The following RAB7A variants were observed in gnomAD, a reference collection of about 807,000 sequenced individuals.
RAB7A encodes RAB7A, member RAS oncogene family, also known as ras-related protein Rab-7a.
Under a neutral mutation model 24.5 loss-of-function variants are expected in RAB7A, and 2 were observed. That is an observed-to-expected ratio of 0.08 (90% CI 0.03 to 0.26). RAB7A has a LOEUF of 0.26. RAB7A is among the 10% of genes least tolerant of loss of function. The pLI, the probability that RAB7A is intolerant of heterozygous loss-of-function variation, is 1.00. For synonymous variants in RAB7A, 100 were observed against 95.9 expected, an observed-to-expected ratio of 1.04 and a Z score of -0.25; for missense variants, 118 against 255.7, an observed-to-expected ratio of 0.46 and a Z score of 3.67.
At chr3:128,754,418 A>G (rs2070712600) in intron 1 of RAB7A, among the ~76,000 whole-genome samples, 1 of 152,220 alleles carries the variant, frequency 6.6e-6, no homozygotes, top group Non-Finnish European at 1.5e-5. Context: ...ACTGTAGGAT[A>G]TACACAAAAG....
intron 1 of RAB7A, among the ~76,000 whole-genome samples, chr3:128,789,495 G>A (rs1038540261): frequency 6.6e-6 from 1 of 151,866 alleles, no homozygotes. Flanking sequence ...ACCACACCCA[G>A]CTAATTTTTG....
chr3:128,785,928 G>A (rs1258741100), intron 1 of RAB7A, among the ~76,000 whole-genome samples: 1 of 151,984 alleles, frequency 6.6e-6, no homozygotes, highest in African/African-American at 2.4e-5. Flanking sequence ...ATTCTAAATG[G>A]AACAACAGAC....
rs1028798951 is a variant in RAB7A at position 128,807,422 on chromosome 3, C to T, written c.400-121C>T. 6 of 1,449,146 alleles carry T rather than the reference C, an allele frequency of 4.1e-6. No homozygotes were observed. In the African/African-American group the frequency reaches 7.0e-5, roughly 17 times the overall value. 89.8% of individuals were successfully genotyped at this position (1,449,146 alleles called of 1,614,324 possible). On this transcript the variant is annotated intron_variant, in intron 4 of 5. Coordinates refer to ENST00000265062, the MANE Select transcript of RAB7A (RefSeq NM_004637.6). ...GGTCTCCTCCAACACCCTCTTTCCC[C>T]ATGTCTGTGTCCTCACCTGTACTAC...
At chr3:128,773,329 C>T (rs1257285856) in intron 1 of RAB7A, among the ~76,000 whole-genome samples, 1 of 151,878 alleles carries the variant, frequency 6.6e-6, no homozygotes, top group African/African-American at 2.4e-5. Context: ...GCAGCCGCCC[C>T]ATCTGAGAAG....
intron 1 of RAB7A, among the ~76,000 whole-genome samples, chr3:128,741,501 A>G (rs1007277305): frequency 1.3e-5 from 2 of 152,076 alleles, no homozygotes; most frequent in African/African-American, 4.8e-5. Context: ...TTTTTTTATC[A>G]CACAGTATAT....
chr3:128,772,571 G>A (rs1932975273), intron 1 of RAB7A, among the ~76,000 whole-genome samples: 1 of 152,172 alleles, frequency 6.6e-6, no homozygotes, highest in Admixed American at 6.5e-5. Context: ...TTTTAAGCCT[G>A]ATGCACTTAG....
intron 3 of RAB7A, among the ~76,000 whole-genome samples, chr3:128,800,147 T>C (rs1057199561): frequency 5.9e-5 from 9 of 152,112 alleles, no homozygotes; most frequent in African/African-American, 2.2e-4. Context: ...AGACTTAAAA[T>C]TGTAGAAGAC....
chr3:128,793,682 G>T (rs895912823), intron 1 of RAB7A, among the ~76,000 whole-genome samples: 2 of 152,180 alleles, frequency 1.3e-5, no homozygotes, highest in Non-Finnish European at 2.9e-5. Context: ...GAATAGTGGG[G>T]CTCCACATAT....
In RAB7A at chr3:128,807,497, G is replaced by C. The variant is rs778785018; in HGVS notation, c.400-46G>C. 10 of 1,612,556 alleles carry C rather than the reference G, an allele frequency of 6.2e-6. No homozygotes were observed. The Admixed American group carries it at 1.0e-4, about 16-fold the overall frequency. The stretch of plus-strand genomic sequence containing the variant: ...TCCTGGGGAGGATGGAGTCAGTGCT[G>C]GCTGCTTCTGTCATGAGCCTATGTG... On this transcript the variant is annotated intron_variant, in intron 4 of 5. Coordinates refer to ENST00000265062, the MANE Select transcript of RAB7A (RefSeq NM_004637.6).
chr3:128,763,216 T>TTTTTTTTTTG (rs2070791315), intron 1 of RAB7A, among the ~76,000 whole-genome samples: 1 of 112,472 alleles, frequency 8.9e-6, no homozygotes, highest in African/African-American at 4.3e-5. Flanking sequence ...ATATTTTTTT[T>TTTTTTTTTTG]TTTTTTTTTT....
chr3:128,734,204 C>T (rs925355443), intron 1 of RAB7A, among the ~76,000 whole-genome samples: 19 of 151,930 alleles, frequency 1.3e-4, no homozygotes, highest in African/African-American at 4.6e-4. Context: ...CCGAGGTGGG[C>T]GGATCACTTG....
chr3:128,744,707 A>G (rs904246622), intron 1 of RAB7A, among the ~76,000 whole-genome samples: 2 of 152,134 alleles, frequency 1.3e-5, no homozygotes, highest in African/African-American at 4.8e-5. Context: ...CACAGGATTT[A>G]AAGTTGCCAT....
chr3:128,808,883 G>A (rs1933859560), intron 5 of RAB7A, among the ~76,000 whole-genome samples: 1 of 152,160 alleles, frequency 6.6e-6, no homozygotes, highest in African/African-American at 2.4e-5. Flanking sequence ...CAAGGACCAG[G>A]GAAATTCTGG....
At chr3:128,739,294 G>GAGGTC (rs1177736615) in intron 1 of RAB7A, among the ~76,000 whole-genome samples, 15 of 152,122 alleles carry the variant, frequency 9.9e-5, no homozygotes, top group Non-Finnish European at 1.9e-4. Context: ...CGGATCACCT[G>GAGGTC]AGGTCAGGAG....
chr3:128,794,394 G>A (rs1933524124), intron 1 of RAB7A, among the ~76,000 whole-genome samples: 1 of 152,176 alleles, frequency 6.6e-6, no homozygotes, highest in Non-Finnish European at 1.5e-5. Flanking sequence ...ACTGGCTCAA[G>A]GTCATATAGC....
chr3:128,753,445 C>CGT (rs1194956069), intron 1 of RAB7A, among the ~76,000 whole-genome samples: 1 of 151,910 alleles, frequency 6.6e-6, no homozygotes, highest in African/African-American at 2.4e-5. Context: ...ATTTCGTATG[C>CGT]GTGTGTGTGT....
chr3:128,775,615 A>G (rs1933070186), intron 1 of RAB7A, among the ~76,000 whole-genome samples: 1 of 152,192 alleles, frequency 6.6e-6, no homozygotes, highest in African/African-American at 2.4e-5. Flanking sequence ...AAAAATTCCA[A>G]GTGTGGAGAC....
intron 1 of RAB7A, among the ~76,000 whole-genome samples, chr3:128,787,788 G>A (rs1419514697): frequency 6.6e-6 from 1 of 152,230 alleles, no homozygotes; most frequent in East Asian, 1.9e-4. Context: ...ATAGCTCACT[G>A]GAGCCTTAAA....
intron 1 of RAB7A, among the ~76,000 whole-genome samples, chr3:128,737,520 A>G (rs967574148): frequency 2.0e-5 from 3 of 149,668 alleles, no homozygotes; most frequent in Non-Finnish European, 4.4e-5. Context: ...AATTTTTTAT[A>G]TTTTTGATAG....
Sources: gnomAD v4.1 joint callset for allele counts (sites outside exome capture counted in the v4.1 genomes callset) on GRCh38, gnomAD v4.1.1 for gene constraint, MANE v1.5 for transcripts, NCBI Gene and HGNC (gene_info 2026-07-23, HGNC 2026-07-21) for gene names.